Variants in SLC29A3 observed in about 807,000 individuals in gnomAD.
SLC29A3 encodes the protein equilibrative nucleoside transporter 3.
Under a neutral mutation model 25.4 loss-of-function variants are expected in SLC29A3, and 18 were observed. The observed-to-expected ratio is 0.71, with a 90% CI of 0.49 to 1.05. The LOEUF is 1.05. Among genes scored for constraint, SLC29A3 ranks in the 50% least tolerant of loss-of-function variants. The probability of loss-of-function intolerance (pLI) is 0.00; values close to 1 mark genes in which losing one functional copy is unlikely to be tolerated. For synonymous variants in SLC29A3, 258 were observed against 267.1 expected (o/e 0.97, Z 0.33); for missense variants, 586 against 609.0 (o/e 0.96, Z 0.40).
intron 3 of SLC29A3, among the ~76,000 whole-genome samples, chr10:71,371,997 G>A (rs752192493): frequency 2.0e-5 from 3 of 152,216 alleles, no homozygotes; most frequent in Non-Finnish European, 4.4e-5. Context: ...TGCTCTCAGA[G>A]GCAGGAGGAT....
chr10:71,330,735 G>A (rs977276755), intron 2 of SLC29A3, among the ~76,000 whole-genome samples: 6 of 152,222 alleles, frequency 3.9e-5, no homozygotes, highest in Admixed American at 6.5e-5. Flanking sequence ...CCCAACATTC[G>A]CTGCCTTTAC....
At chr10:71,341,291 G>A (rs1380290054) in intron 2 of SLC29A3, among the ~76,000 whole-genome samples, 2 of 152,196 alleles carry the variant, frequency 1.3e-5, no homozygotes, top group African/African-American at 4.8e-5. Flanking sequence ...TGTGGACAGG[G>A]GACCAAGGTG....
At chr10:71,354,876 C>G (rs548248327) in intron 4 of SLC29A3, among the ~76,000 whole-genome samples, 1 of 152,320 alleles carries the variant, frequency 6.6e-6, no homozygotes, top group South Asian at 2.1e-4. Flanking sequence ...GCCCCACTTT[C>G]CAGGCAAATA....
chr10:71,351,597 C>T lies in SLC29A3; in HGVS notation c.419C>T (p.Thr140Met), dbSNP rs374153053. Residue 140 changes from threonine (T) to methionine (M), a missense_variant, in exon 4 of 6, where the codon ACG (threonine) becomes ATG (methionine). Transcript: ENST00000373189. ...AVHIRVLASL[T>M]VILAIFMVIT... ...CACATCCGTGTCCTGGCCTCACTGA[C>T]GGTCATCCTGGCCATCTTCATGGTG... 91 of 1,614,126 alleles carry T rather than the reference C, an allele frequency of 5.6e-5. No individual in the cohort carries two copies. Among genetic ancestry groups the T allele is most frequent in the East Asian group, 2.2e-4 (10 of 44,898 alleles).
intron 3 of SLC29A3, among the ~76,000 whole-genome samples, chr10:71,374,489 C>T (rs1847235014): frequency 6.6e-6 from 1 of 152,132 alleles, no homozygotes; most frequent in Non-Finnish European, 1.5e-5. Flanking sequence ...GCCATGGTAA[C>T]CCGAAGGTAA....
chr10:71,334,786 A>G (rs1231239150), intron 2 of SLC29A3, among the ~76,000 whole-genome samples: 1 of 151,722 alleles, frequency 6.6e-6, no homozygotes, highest in Non-Finnish European at 1.5e-5. Flanking sequence ...ACTCCAGCTC[A>G]CCCCTGTGGA....
intron 2 of SLC29A3, among the ~76,000 whole-genome samples, chr10:71,335,219 C>T (rs189713221): frequency 3.9e-5 from 6 of 152,242 alleles, no homozygotes; most frequent in Non-Finnish European, 5.9e-5. Context: ...TACTGTTTGG[C>T]GTTGAGAAGC....
At chr10:71,344,975 C>G (rs1846527712) in intron 3 of SLC29A3, among the ~76,000 whole-genome samples, 1 of 152,178 alleles carries the variant, frequency 6.6e-6, no homozygotes, top group South Asian at 2.1e-4. Flanking sequence ...CCTGAGGTCA[C>G]TGATAGCAAA....
intron 2 of SLC29A3, among the ~76,000 whole-genome samples, chr10:71,343,056 T>C (rs1190606696): frequency 2.6e-5 from 4 of 152,194 alleles, no homozygotes. Context: ...CACTGCAGCC[T>C]CGAACTCCTT....
chr10:71,335,782 G>A lies in SLC29A3; in HGVS notation c.301-8427G>A, dbSNP rs536986173. ...TTTGGGCTCAGCAGGACCCCCAAGC[G>A]GTTGTTCTGGATGAAGAGACGGATG... On this transcript the variant is annotated intron_variant, in intron 2 of 5. Transcript: ENST00000373189. Among the ~76,000 whole-genome samples, 12 of 152,186 alleles carry A rather than the reference G, an allele frequency of 7.9e-5. No individual in the cohort carries two copies. In the South Asian group the frequency reaches 1.0e-3, roughly 13 times the overall value.
intron 1 of SLC29A3, among the ~76,000 whole-genome samples, chr10:71,320,932 C>T (rs1360309224): frequency 6.6e-6 from 1 of 152,198 alleles, no homozygotes. Context: ...AGGAGTCCAG[C>T]ATGGGCCCCA....
chr10:71,371,361 T>G (rs531115980), intron 3 of SLC29A3, among the ~76,000 whole-genome samples: 2 of 152,216 alleles, frequency 1.3e-5, no homozygotes, highest in African/African-American at 4.8e-5. Context: ...AGACTTCTGA[T>G]GTCCTTGCTA....
At chr10:71,325,650 A>G (rs991292857) in intron 2 of SLC29A3, among the ~76,000 whole-genome samples, 6 of 152,152 alleles carry the variant, frequency 3.9e-5, no homozygotes, top group East Asian at 1.9e-4. Flanking sequence ...GATATAAACC[A>G]TTTCTACAGC....
intron 3 of SLC29A3, among the ~76,000 whole-genome samples, chr10:71,368,874 C>T (rs1203988457): frequency 6.6e-6 from 1 of 152,166 alleles, no homozygotes; most frequent in African/African-American, 2.4e-5. Flanking sequence ...TAGTACTGCT[C>T]TCATCTCTGG....
At chr10:71,339,862 C>A (rs930440022) in intron 2 of SLC29A3, among the ~76,000 whole-genome samples, 1 of 152,122 alleles carries the variant, frequency 6.6e-6, no homozygotes, top group Non-Finnish European at 1.5e-5. Context: ...CCTTCCATGC[C>A]CCCCAACACT....
intron 2 of SLC29A3, among the ~76,000 whole-genome samples, chr10:71,341,120 C>T (rs139048141): frequency 6.5e-4 from 99 of 152,190 alleles, no homozygotes; most frequent in Middle Eastern, 3.4e-3. Flanking sequence ...GTGGGTCTCA[C>T]GGGGCTTGAC....
chr10:71,353,559 C>A (rs1846818890), intron 4 of SLC29A3, among the ~76,000 whole-genome samples: 1 of 152,142 alleles, frequency 6.6e-6, no homozygotes, highest in East Asian at 1.9e-4. Context: ...AAAGTCCGTT[C>A]AGAAAAGTGG....
chr10:71,345,355 CCTCT>C (rs140263729), intron 3 of SLC29A3, among the ~76,000 whole-genome samples: 262 of 151,754 alleles, frequency 1.7e-3, no homozygotes, highest in Non-Finnish European at 2.8e-3. Context: ...ATTCATATCC[CCTCT>C]CTCTCTCTCT....
At position 71,358,840 on chromosome 10, in the gene SLC29A3, G is replaced by A. The variant is rs77315373; in HGVS notation, c.773+2597G>A. On this transcript the variant is annotated intron_variant, in intron 5 of 5. Transcript: ENST00000373189. The stretch of plus-strand genomic sequence containing the variant: ...CCTAGTCTCATTTGGGCAGGCCAGA[G>A]TCCCTTCCAGCTGAGCATGTGAGAC... Among the ~76,000 whole-genome samples the A allele has an allele frequency of 6.8e-3, 1,029 of 152,352 alleles. 16 individuals carry two copies. Among genetic ancestry groups the A allele is most frequent in the African/African-American group, 0.023 (965 of 41,574 alleles).
Sources: gnomAD v4.1 joint callset for allele counts (sites outside exome capture counted in the v4.1 genomes callset) on GRCh38, gnomAD v4.1.1 for gene constraint, MANE v1.5 for transcripts, NCBI Gene and HGNC (gene_info 2026-07-23, HGNC 2026-07-21) for gene names.